The following LRP1B variants were observed in gnomAD, a reference collection of about 807,000 sequenced individuals.
The protein encoded by LRP1B is LDL receptor related protein 1B.
Under a neutral mutation model 556.6 loss-of-function variants are expected in LRP1B, and 217 were observed. The observed-to-expected ratio is 0.39, with a 90% CI of 0.35 to 0.44. LRP1B has a LOEUF of 0.44. Among genes scored for constraint, LRP1B ranks in the 20% least tolerant of loss-of-function variants. LRP1B has a pLI of 1.00. For synonymous variants in LRP1B, 2,047 were observed against 1,865.8 expected (o/e 1.10, Z -2.50); for missense variants, 5,053 against 5,620.8 (o/e 0.90, Z 3.23).
chr2:141,075,294 AATAGAG>A (rs541346622), intron 7 of LRP1B, among the ~76,000 whole-genome samples: 51 of 152,298 alleles, frequency 3.3e-4, no homozygotes, highest in Admixed American at 1.6e-3. Context: ...ATTAAAACTG[AATAGAG>A]ATAAAGAGTT....
At chr2:141,331,499 TTTCC>T in intron 3 of LRP1B, among the ~76,000 whole-genome samples, 7 of 115,794 alleles carry the variant, frequency 6.0e-5, no homozygotes, top group African/African-American at 2.8e-4. Context: ...TCTTTCTTTC[TTTCC>T]TTCTTTCTTT....
intron 1 of LRP1B, among the ~76,000 whole-genome samples, chr2:142,059,549 A>T (rs75595077): frequency 6.9e-6 from 1 of 145,182 alleles, no homozygotes; most frequent in South Asian, 2.2e-4. Context: ...TTGTTTTTTT[A>T]AATATAGTAG....
At chr2:141,565,559 GA>G (rs557030481) in intron 2 of LRP1B, among the ~76,000 whole-genome samples, 10 of 152,268 alleles carry the variant, frequency 6.6e-5, no homozygotes, top group Admixed American at 2.6e-4. Context: ...TTATTGGGAT[GA>G]ACATCCTATC....
intron 1 of LRP1B, among the ~76,000 whole-genome samples, chr2:142,036,624 C>G (rs1264332304): frequency 2.6e-5 from 4 of 151,512 alleles, no homozygotes; most frequent in Non-Finnish European, 5.9e-5. Flanking sequence ...TAAATTAAAA[C>G]CTGTTCCATA....
chr2:140,421,347 T>C (rs1685434172), intron 66 of LRP1B, among the ~76,000 whole-genome samples: 1 of 152,228 alleles, frequency 6.6e-6, no homozygotes, highest in Non-Finnish European at 1.5e-5. Context: ...ACACACTGCT[T>C]ATACAGAATT....
intron 47 of LRP1B, among the ~76,000 whole-genome samples, chr2:140,532,825 A>C (rs1690759604): frequency 6.6e-6 from 1 of 151,536 alleles, no homozygotes; most frequent in Admixed American, 6.6e-5. Context: ...TTAGTTTAAG[A>C]CTCAGTTTAA....
At chr2:141,550,816 A>C (rs1685723939) in intron 2 of LRP1B, among the ~76,000 whole-genome samples, 1 of 152,122 alleles carries the variant, frequency 6.6e-6, no homozygotes, top group African/African-American at 2.4e-5. Flanking sequence ...CCATTCCTTC[A>C]AATTCCAGAA....
rs754222142 is a variant in LRP1B at position 140,605,612 on chromosome 2, CTTCT to C, written c.6800-3977_6800-3974del. Reference sequence around the variant, plus strand: ...TTTTTATTTCTCTTTCTTTCTCTCTCTTCTTTCTTTCTCTCTCTGCTTCCTTACT... The same window carrying C: ...TTTTTATTTCTCTTTCTTTCTCTCTCTTCTTTCTCTCTCTGCTTCCTTACT... On this transcript the variant is annotated intron_variant, in intron 41 of 90. Coordinates refer to ENST00000389484, the MANE Select transcript of LRP1B (RefSeq NM_018557.3). Among the ~76,000 whole-genome samples, 14 of 147,398 alleles carry C rather than the reference CTTCT, an allele frequency of 9.5e-5. 1 individual carries two copies. Among genetic ancestry groups the C allele is most frequent in the Non-Finnish European group, 1.4e-4 (9 of 66,546 alleles).
At chr2:141,052,089 T>A (rs911934754) in intron 10 of LRP1B, among the ~76,000 whole-genome samples, 1 of 152,018 alleles carries the variant, frequency 6.6e-6, no homozygotes, top group African/African-American at 2.4e-5. Context: ...TTCATCATTA[T>A]AATAATACTG....
intron 7 of LRP1B, among the ~76,000 whole-genome samples, chr2:141,165,142 A>T (rs1252395343): frequency 6.6e-6 from 1 of 152,016 alleles, no homozygotes; most frequent in African/African-American, 2.4e-5. Context: ...ACCTAGATTA[A>T]AAGTAGCCAG....
chr2:141,403,354 A>G (rs771957405), intron 3 of LRP1B, among the ~76,000 whole-genome samples: 18 of 152,124 alleles, frequency 1.2e-4, no homozygotes, highest in Admixed American at 6.5e-5. Context: ...AAAACCCTGC[A>G]ATTCATTTTC....
rs539084595 is a variant in LRP1B, at chr2:141,728,806, C to T, written c.205+81473G>A. ...AGACTCATACTCCCATATGCTGTGACGAAAACAACATCATTGATTGACTCT... is the reference window on the plus strand; with the variant it reads ...AGACTCATACTCCCATATGCTGTGATGAAAACAACATCATTGATTGACTCT... On this transcript the variant is annotated intron_variant, in intron 2 of 90. Coordinates refer to ENST00000389484, the MANE Select transcript of LRP1B (RefSeq NM_018557.3). 2.2e-4 allele frequency among the ~76,000 whole-genome samples: 33 copies of T among 152,242 alleles called. 1 individual carries two copies. Among genetic ancestry groups the T allele is most frequent in the Middle Eastern group, 6.8e-3 (2 of 294 alleles).
intron 3 of LRP1B, among the ~76,000 whole-genome samples, chr2:141,470,110 G>A (rs943018633): frequency 2.0e-5 from 3 of 152,156 alleles, no homozygotes; most frequent in African/African-American, 4.8e-5. Flanking sequence ...TGTATCCCCC[G>A]TGGGAATACA....
At chr2:141,051,664 C>T (rs921775334) in intron 10 of LRP1B, among the ~76,000 whole-genome samples, 8 of 152,012 alleles carry the variant, frequency 5.3e-5, no homozygotes, top group East Asian at 1.9e-4. Flanking sequence ...GAGAAAGAGC[C>T]GATATCTTGA....
intron 37 of LRP1B, among the ~76,000 whole-genome samples, chr2:140,705,643 T>C (rs532450878): frequency 2.0e-5 from 3 of 150,850 alleles, no homozygotes; most frequent in Admixed American, 2.0e-4. Context: ...AAGTAACCCC[T>C]ATTCATTTTA....
intron 2 of LRP1B, among the ~76,000 whole-genome samples, chr2:141,625,838 A>T (rs1016573294): frequency 1.3e-5 from 2 of 152,150 alleles, no homozygotes; most frequent in African/African-American, 4.8e-5. Context: ...GGAACCTATA[A>T]GATTAAAACT....
chr2:141,879,909 T>G (rs1486700107), intron 1 of LRP1B, among the ~76,000 whole-genome samples: 1 of 152,010 alleles, frequency 6.6e-6, no homozygotes, highest in African/African-American at 2.4e-5. Context: ...GATGCACACT[T>G]TGTATGCATT....
At chr2:140,566,774 C>T (rs377275950) in intron 43 of LRP1B, among the ~76,000 whole-genome samples, 33 of 152,254 alleles carry the variant, frequency 2.2e-4, no homozygotes, top group African/African-American at 7.0e-4. Context: ...TATCACACCT[C>T]CTGGGAAAAC....
At chr2:141,398,195 G>A (rs561021863) in intron 3 of LRP1B, among the ~76,000 whole-genome samples, 28 of 152,126 alleles carry the variant, frequency 1.8e-4, no homozygotes, top group Non-Finnish European at 2.5e-4. Context: ...ACTTCTTAGA[G>A]GGATAAAAAG....
Sources: gnomAD v4.1 joint callset for allele counts (sites outside exome capture counted in the v4.1 genomes callset) on GRCh38, gnomAD v4.1.1 for gene constraint, MANE v1.5 for transcripts, NCBI Gene and HGNC (gene_info 2026-07-23, HGNC 2026-07-21) for gene names.